Variants in QKI observed in about 807,000 individuals in gnomAD.
QKI encodes the protein KH domain-containing RNA-binding protein QKI.
Under a neutral mutation model 39.0 loss-of-function variants are expected in QKI, and 10 were observed. That is an observed-to-expected ratio of 0.26 (90% CI 0.16 to 0.43). The LOEUF is 0.43. Ranked by LOEUF, QKI falls within the 20% of genes least tolerant of loss-of-function variation. The pLI, the probability that QKI is intolerant of heterozygous loss-of-function variation, is 1.00. For missense variants in QKI, 218 were observed against 428.0 expected (o/e 0.51, Z 4.33); for synonymous variants, 204 against 155.4 (o/e 1.31, Z -2.33).
chr6:163,423,746 G>C (rs1056091152), intron 1 of QKI, among the ~76,000 whole-genome samples: 2 of 152,210 alleles, frequency 1.3e-5, no homozygotes, highest in Admixed American at 1.3e-4. Context: ...GAGGATTTCA[G>C]CTCATTCACT....
chr6:163,459,919 C>A (rs1436982823), intron 2 of QKI, among the ~76,000 whole-genome samples: 1 of 152,104 alleles, frequency 6.6e-6, no homozygotes, highest in Non-Finnish European at 1.5e-5. Context: ...TTGTTTGAAT[C>A]CATGGAGATG....
At chr6:163,428,469 T>C (rs539809092) in intron 1 of QKI, among the ~76,000 whole-genome samples, 2 of 152,344 alleles carry the variant, frequency 1.3e-5, no homozygotes, top group South Asian at 4.1e-4. Flanking sequence ...TAGTTTACTA[T>C]ATGTTATATG....
chr6:163,484,691 G>C (rs576699601), intron 3 of QKI, among the ~76,000 whole-genome samples: 2 of 152,168 alleles, frequency 1.3e-5, no homozygotes, highest in Non-Finnish European at 2.9e-5. Flanking sequence ...TAGCAGTCCA[G>C]ACACACACAG....
chr6:163,469,877 T>A (rs1301649161), intron 2 of QKI, among the ~76,000 whole-genome samples: 2 of 152,200 alleles, frequency 1.3e-5, no homozygotes, highest in African/African-American at 4.8e-5. Flanking sequence ...GATCCTCATT[T>A]CAACATTGTT....
At chr6:163,489,028 CTG>C (rs1218773881) in intron 3 of QKI, among the ~76,000 whole-genome samples, 2 of 130,034 alleles carry the variant, frequency 1.5e-5, no homozygotes, top group African/African-American at 2.8e-5. Context: ...GTGTGTGTAT[CTG>C]TGTATAATTT....
intron 1 of QKI, among the ~76,000 whole-genome samples, chr6:163,453,987 T>G (rs1562449224): frequency 6.6e-6 from 1 of 152,184 alleles, no homozygotes. Context: ...AAAGAGTGCC[T>G]TCATATTTGA....
chr6:163,486,037 G>T lies in QKI; in HGVS notation c.402+7141G>T, dbSNP rs7749476. The stretch of plus-strand genomic sequence containing the variant: ...GCCGCATGCGGCCTATGGACCGGGG[G>T]TTGGACAAGCTTGGGCTAGATGGTA... On this transcript the variant is annotated intron_variant, in intron 3 of 7. Coordinates refer to ENST00000361752, the MANE Select transcript of QKI (RefSeq NM_006775.3). 6.1e-3 allele frequency among the ~76,000 whole-genome samples: 931 copies of T among 152,344 alleles called. 7 individuals are homozygous for T. Among genetic ancestry groups the T allele is most frequent in the African/African-American group, 0.019 (800 of 41,562 alleles).
intron 2 of QKI, among the ~76,000 whole-genome samples, chr6:163,474,924 T>C (rs1265883895): frequency 1.3e-5 from 2 of 151,772 alleles, no homozygotes; most frequent in African/African-American, 2.4e-5. Flanking sequence ...CTTGACGTTA[T>C]TGAGAGAGAT....
At chr6:163,538,915 A>G (rs1397336705) in intron 4 of QKI, among the ~76,000 whole-genome samples, 1 of 152,222 alleles carries the variant, frequency 6.6e-6, no homozygotes. Flanking sequence ...TTGGGAGGAA[A>G]GTCAAAAAAT....
chr6:163,429,213 C>G (rs1788643319), intron 1 of QKI, among the ~76,000 whole-genome samples: 1 of 151,878 alleles, frequency 6.6e-6, no homozygotes, highest in Non-Finnish European at 1.5e-5. Flanking sequence ...TTTCAGTAAT[C>G]CTAAAGAACT....
chr6:163,439,330 G>GTTTT (rs200238041), intron 1 of QKI, among the ~76,000 whole-genome samples: 9 of 120,704 alleles, frequency 7.5e-5, no homozygotes, highest in South Asian at 2.6e-4. Flanking sequence ...ATCCTTCGTG[G>GTTTT]TTTTTTTTTG....
At chr6:163,466,858 A>G (rs1012924239) in intron 2 of QKI, among the ~76,000 whole-genome samples, 3 of 152,208 alleles carry the variant, frequency 2.0e-5, no homozygotes, top group African/African-American at 7.2e-5. Flanking sequence ...CACAAGCAAC[A>G]AAAGCAAAAA....
intron 1 of QKI, among the ~76,000 whole-genome samples, chr6:163,429,370 T>C (rs1788658188): frequency 6.6e-6 from 1 of 152,194 alleles, no homozygotes; most frequent in African/African-American, 2.4e-5. Flanking sequence ...TTTATGGATG[T>C]AGCAAAATTG....
chr6:163,537,348 A>C (rs1781267561), intron 4 of QKI, among the ~76,000 whole-genome samples: 1 of 152,220 alleles, frequency 6.6e-6, no homozygotes, highest in African/African-American at 2.4e-5. Flanking sequence ...CTGATGATAA[A>C]ATGAATGCAT....
intron 3 of QKI, among the ~76,000 whole-genome samples, chr6:163,502,359 T>C (rs534441116): frequency 6.6e-6 from 1 of 152,084 alleles, no homozygotes; most frequent in African/African-American, 2.4e-5. Flanking sequence ...CAAAAATATA[T>C]ATATATGTAT....
At chr6:163,425,476 G>T (rs1162610945) in intron 1 of QKI, among the ~76,000 whole-genome samples, 1 of 152,186 alleles carries the variant, frequency 6.6e-6, no homozygotes, top group East Asian at 1.9e-4. Context: ...TGAACTCTTT[G>T]TGCATAAACT....
intron 2 of QKI, chr6:163,457,613 A>T (rs1157064463): frequency 1.5e-5 from 5 of 338,606 alleles, no homozygotes; most frequent in Non-Finnish European, 2.9e-5. Flanking sequence ...TGCATGCTGA[A>T]GTATGAGAAT....
chr6:163,493,133 C>CTA (rs1778168108), intron 3 of QKI, among the ~76,000 whole-genome samples: 1 of 140,636 alleles, frequency 7.1e-6, no homozygotes, highest in African/African-American at 2.6e-5. Context: ...ATCTACAATA[C>CTA]TTTTTTTTTT....
chr6:163,441,186 C>G (rs186417188), intron 1 of QKI, among the ~76,000 whole-genome samples: 7 of 152,166 alleles, frequency 4.6e-5, no homozygotes, highest in Non-Finnish European at 8.8e-5. Context: ...ATTTTCTCAT[C>G]TGATGTAAGA....
Sources: allele counts gnomAD v4.1 joint callset (sites outside exome capture counted in the v4.1 genomes callset), GRCh38; gene constraint gnomAD v4.1.1; transcripts MANE v1.5; gene names NCBI Gene and HGNC (gene_info 2026-07-23, HGNC 2026-07-21).